Variants in SCD5 observed in about 807,000 individuals in gnomAD.
SCD5 encodes the protein acyl-CoA-desaturase 4.
Under a neutral mutation model 30.4 loss-of-function variants are expected in SCD5, and 20 were observed. That is an observed-to-expected ratio of 0.66 (90% CI 0.46 to 0.96). The LOEUF is 0.96. Among genes scored for constraint, SCD5 ranks in the 40% least tolerant of loss-of-function variants. The pLI, the probability that SCD5 is intolerant of heterozygous loss-of-function variation, is 0.00. For missense variants in SCD5, 381 were observed against 443.3 expected (o/e 0.86, Z 1.26); for synonymous variants, 173 against 176.4 (o/e 0.98, Z 0.16).
chr4:82,764,205 G>A (rs1721439334), intron 1 of SCD5, among the ~76,000 whole-genome samples: 1 of 151,694 alleles, frequency 6.6e-6, no homozygotes, highest in Non-Finnish European at 1.5e-5. Context: ...TTCAGTTCAC[G>A]AGCCACATTT....
chr4:82,677,215 G>A (rs1728456445), intron 3 of SCD5, among the ~76,000 whole-genome samples: 1 of 152,182 alleles, frequency 6.6e-6, no homozygotes, highest in African/African-American at 2.4e-5. Context: ...TTGCACCCTG[G>A]GAGTGTGGTG....
rs183786975 is a variant in SCD5, at chr4:82,658,456, T to C, written c.570-21633A>G. 2.1e-5 allele frequency among the ~76,000 whole-genome samples: 3 copies of C among 142,968 alleles called. No homozygotes were observed. In the East Asian group the frequency reaches 6.3e-4, roughly 30 times the overall value. The allele number at this position is 142,968 out of a possible 152,430, so 93.8% of individuals were successfully genotyped here. On this transcript the variant is annotated intron_variant, in intron 3 of 4. Coordinates refer to ENST00000319540, the MANE Select transcript of SCD5 (RefSeq NM_001037582.3). ...CCCAGGGATGAAGCTGACTTGATTG[T>C]GGTGGATAAGCTTTTTTTTTTTTTT...
At chr4:82,744,479 C>T (rs997744908) in intron 1 of SCD5, among the ~76,000 whole-genome samples, 2 of 152,132 alleles carry the variant, frequency 1.3e-5, no homozygotes, top group African/African-American at 2.4e-5. Context: ...TCCCCACGAC[C>T]GTGGGAAGAG....
At chr4:82,712,265 T>TATATATATATATATATATATATATAC (rs1720113332) in intron 1 of SCD5, among the ~76,000 whole-genome samples, 1 of 44,670 alleles carries the variant, frequency 2.2e-5, no homozygotes, top group African/African-American at 1.5e-4. Context: ...TATATATATA[T>TATATATATATATATATATATATATAC]ATATATATAT....
intron 1 of SCD5, among the ~76,000 whole-genome samples, chr4:82,728,803 C>A (rs55782223): frequency 0.22 from 33,640 of 152,064 alleles, 4,370 homozygotes; most frequent in Middle Eastern, 0.34. Flanking sequence ...ATGTGGGCTA[C>A]GCTCATGTCA....
intron 1 of SCD5, among the ~76,000 whole-genome samples, chr4:82,712,363 GC>G (rs1720129592): frequency 7.3e-6 from 1 of 136,140 alleles, no homozygotes; most frequent in Non-Finnish European, 1.6e-5. Context: ...CTCCGCCCAG[GC>G]TGGAGTGCAA....
chr4:82,685,302 T>G (rs1479391807), intron 2 of SCD5, among the ~76,000 whole-genome samples: 1 of 152,082 alleles, frequency 6.6e-6, no homozygotes, highest in African/African-American at 2.4e-5. Flanking sequence ...AGTCCTACTT[T>G]GCAATAGAAA....
At chr4:82,720,538 T>C (rs1253896453) in intron 1 of SCD5, among the ~76,000 whole-genome samples, 6 of 151,498 alleles carry the variant, frequency 4.0e-5, no homozygotes, top group Non-Finnish European at 7.4e-5. Context: ...GGAAAGATCT[T>C]CTTTTCAGAA....
At chr4:82,720,837 C>T (rs931369738) in intron 1 of SCD5, among the ~76,000 whole-genome samples, 2 of 152,114 alleles carry the variant, frequency 1.3e-5, no homozygotes, top group East Asian at 3.9e-4. Context: ...TGGCCTTTTG[C>T]CTCAATTTGG....
intron 2 of SCD5, among the ~76,000 whole-genome samples, chr4:82,695,805 G>A (rs1186281173): frequency 6.6e-6 from 1 of 151,958 alleles, no homozygotes; most frequent in African/African-American, 2.4e-5. Flanking sequence ...CTTCTTCTTT[G>A]CCTAGACAAA....
intron 3 of SCD5, among the ~76,000 whole-genome samples, chr4:82,668,296 C>T (rs772319258): frequency 2.0e-5 from 3 of 151,808 alleles, no homozygotes; most frequent in Non-Finnish European, 4.4e-5. Flanking sequence ...ATCAGTGGGA[C>T]GGAGATTGAG....
At chr4:82,762,943 C>T (rs1160137264) in intron 1 of SCD5, among the ~76,000 whole-genome samples, 9 of 152,152 alleles carry the variant, frequency 5.9e-5, no homozygotes, top group African/African-American at 1.7e-4. Context: ...CTCTCCTGAG[C>T]GGTGGAGCAC....
At chr4:82,680,566 A>T in intron 3 of SCD5, 141 bp downstream of exon 3, 1 of 721,992 alleles carries the variant, frequency 1.4e-6, no homozygotes, top group Non-Finnish European at 2.2e-6. Flanking sequence ...ATTAATAAAT[A>T]GAGATAAATC....
At chr4:82,723,077 CAAAAAAAAAAA>C (rs59796077) in intron 1 of SCD5, among the ~76,000 whole-genome samples, 2 of 89,986 alleles carry the variant, frequency 2.2e-5, no homozygotes, top group Non-Finnish European at 4.6e-5. Flanking sequence ...AACTCTGTCT[CAAAAAAAAAAA>C]AAAAAAAAAG....
intron 1 of SCD5, among the ~76,000 whole-genome samples, chr4:82,756,446 C>A (rs143794999): frequency 2.0e-3 from 304 of 152,320 alleles, no homozygotes; most frequent in African/African-American, 7.0e-3. Flanking sequence ...CCTCTTTAGG[C>A]TGGGCAAGGT....
At chr4:82,719,179 T>C (rs4693498) in intron 1 of SCD5, among the ~76,000 whole-genome samples, 90,536 of 151,578 alleles carry the variant, frequency 0.6, 28,962 homozygotes, top group African/African-American at 0.82. Context: ...GATCTGGCAA[T>C]GTCAGGCCAC....
At chr4:82,747,036 T>TG (rs58290846) in intron 1 of SCD5, among the ~76,000 whole-genome samples, 156 of 148,976 alleles carry the variant, frequency 1.0e-3, no homozygotes, top group South Asian at 3.3e-3. Context: ...GGAGTTCGGT[T>TG]GGGGGGCAGT....
chr4:82,776,835 TA>T (rs1328039023), intron 1 of SCD5, among the ~76,000 whole-genome samples: 3 of 152,246 alleles, frequency 2.0e-5, no homozygotes, highest in African/African-American at 7.2e-5. Context: ...TAGAGATACA[TA>T]TTTATGTTAA....
At chr4:82,649,170 G>A (rs1727692356) in intron 3 of SCD5, among the ~76,000 whole-genome samples, 2 of 122,564 alleles carry the variant, frequency 1.6e-5, no homozygotes, top group Admixed American at 9.8e-5. Flanking sequence ...AGCATAAATA[G>A]GGTGAGAGGG....
Sources: allele counts gnomAD v4.1 joint callset (sites outside exome capture counted in the v4.1 genomes callset), GRCh38; gene constraint gnomAD v4.1.1; transcripts MANE v1.5; gene names NCBI Gene and HGNC (gene_info 2026-07-23, HGNC 2026-07-21).